Variants in ZNF536 observed in about 807,000 individuals in gnomAD.
The protein encoded by ZNF536 is zinc finger protein 536.
Under a neutral mutation model 84.5 loss-of-function variants are expected in ZNF536, and 13 were observed. The observed-to-expected ratio is 0.15, with a 90% CI of 0.10 to 0.24. The LOEUF is 0.24. ZNF536 is among the 10% of genes least tolerant of loss of function. The pLI is 1.00. For synonymous variants in ZNF536, 811 were observed against 742.5 expected (o/e 1.09, Z -1.50); for missense variants, 1,536 against 1,747.5 (o/e 0.88, Z 2.16).
chr19:30,535,579 G>T (rs1296959584), intron 3 of ZNF536, among the ~76,000 whole-genome samples: 1 of 152,094 alleles, frequency 6.6e-6, no homozygotes, highest in Non-Finnish European at 1.5e-5. Context: ...GGCAAAGGGG[G>T]GCAAGTGGCT....
chr19:30,593,956 AT>A (rs776233483), intron 1 of ZNF536, among the ~76,000 whole-genome samples: 5 of 152,168 alleles, frequency 3.3e-5, no homozygotes. Flanking sequence ...GATCTCATTG[AT>A]TGTCCTTGGA....
intron 1 of ZNF536, among the ~76,000 whole-genome samples, chr19:30,578,278 T>A (rs781458522): frequency 1.2e-4 from 18 of 152,340 alleles, no homozygotes; most frequent in Admixed American, 2.6e-4. Context: ...AGAAACCTGG[T>A]CACTAGAGAG....
intron 2 of ZNF536, among the ~76,000 whole-genome samples, chr19:30,491,415 G>A (rs946465576): frequency 6.6e-6 from 1 of 152,046 alleles, no homozygotes; most frequent in South Asian, 2.1e-4. Context: ...GTGTGTTGTG[G>A]GGAGTTCCAG....
At chr19:30,551,139 T>A (rs922163914) in intron 4 of ZNF536, among the ~76,000 whole-genome samples, 2 of 151,928 alleles carry the variant, frequency 1.3e-5, no homozygotes, top group Admixed American at 1.3e-4. Flanking sequence ...GTCTTTTTTT[T>A]TTTTAAGTCT....
intron 1 of ZNF536, among the ~76,000 whole-genome samples, chr19:30,677,989 G>T (rs1421990950): frequency 3.3e-5 from 5 of 152,192 alleles, no homozygotes; most frequent in Admixed American, 3.3e-4. Flanking sequence ...AAGAGGCAGG[G>T]TTTAGAGACT....
At chr19:30,442,202 T>C (rs1190032330) in intron 1 of ZNF536, among the ~76,000 whole-genome samples, 2 of 152,204 alleles carry the variant, frequency 1.3e-5, no homozygotes, top group African/African-American at 4.8e-5. Flanking sequence ...AGGGGTTCAT[T>C]GCCTTGCAAA....
intron 1 of ZNF536, among the ~76,000 whole-genome samples, chr19:30,281,846 C>T (rs2045457213): frequency 6.6e-6 from 1 of 152,150 alleles, no homozygotes; most frequent in Admixed American, 6.5e-5. Flanking sequence ...CTCTGAGCTG[C>T]ACCAAACTGG....
At chr19:30,610,810 CAG>C (rs1349072819) in intron 1 of ZNF536, among the ~76,000 whole-genome samples, 2 of 152,166 alleles carry the variant, frequency 1.3e-5, no homozygotes, top group Non-Finnish European at 2.9e-5. Context: ...AGGCCACACC[CAG>C]AGAGAGCTGC....
chr19:30,498,955 T>C (rs897982439), intron 2 of ZNF536, among the ~76,000 whole-genome samples: 8 of 152,114 alleles, frequency 5.3e-5, no homozygotes, highest in Admixed American at 4.6e-4. Context: ...GCTGTTTCCA[T>C]TTGAGCCTTT....
upstream of ZNF536, among the ~76,000 whole-genome samples, chr19:30,371,558 G>GTTTTT (rs11343587): frequency 7.4e-6 from 1 of 135,780 alleles, no homozygotes; most frequent in Non-Finnish European, 1.6e-5. Context: ...GTCTTTTCTT[G>GTTTTT]TTTTTTTTTT....
intron 1 of ZNF536, among the ~76,000 whole-genome samples, chr19:30,666,832 G>GTATATATATATATA (rs67781281): frequency 6.0e-5 from 9 of 149,108 alleles, no homozygotes; most frequent in African/African-American, 2.2e-4. Flanking sequence ...GTGTGTGTGT[G>GTATATATATATATA]TATATATATA....
At chr19:30,308,534 T>G (rs2046407231) in intron 2 of ZNF536, among the ~76,000 whole-genome samples, 1 of 152,156 alleles carries the variant, frequency 6.6e-6, no homozygotes, top group South Asian at 2.1e-4. Context: ...CTTGGTTTTG[T>G]TGCTCCAGGG....
intron 2 of ZNF536, among the ~76,000 whole-genome samples, chr19:30,334,156 C>T (rs1215675536): frequency 1.3e-5 from 2 of 152,240 alleles, no homozygotes; most frequent in African/African-American, 4.8e-5. Context: ...GCAGTTTCGC[C>T]AATGGGAAAT....
intron 1 of ZNF536, among the ~76,000 whole-genome samples, chr19:30,636,401 T>C (rs767378032): frequency 1.1e-4 from 16 of 152,160 alleles, no homozygotes; most frequent in Non-Finnish European, 2.4e-4. Context: ...CCCATCCTCA[T>C]GAGGCCCTTG....
Position 30,427,291 on chromosome 19 carries a change from AG to A in ZNF536, c.-2-16269del, listed in dbSNP as rs1382318389. On this transcript the variant is annotated intron_variant, in intron 1 of 4. Transcript: ENST00000355537. ...GACAACTCTCATTCATGGGATGCAG[AG>A]ATGCTTGCCAAGTAGTTGAGGAGAA... 2.6e-5 allele frequency among the ~76,000 whole-genome samples: 4 copies of A among 152,228 alleles called. No individual in the cohort carries two copies. In the East Asian group the frequency reaches 7.7e-4, roughly 29 times the overall value.
chr19:30,241,280 A>C (rs2023922571), intron 1 of ZNF536, among the ~76,000 whole-genome samples: 1 of 152,212 alleles, frequency 6.6e-6, no homozygotes, highest in South Asian at 2.1e-4. Context: ...GTGCCACTGC[A>C]CTCCAGCCTA....
chr19:30,302,221 T>C (rs915385446), intron 2 of ZNF536, among the ~76,000 whole-genome samples: 1 of 152,100 alleles, frequency 6.6e-6, no homozygotes, highest in East Asian at 1.9e-4. Flanking sequence ...CTAACGCAGA[T>C]TGTGTTGCTC....
At chr19:30,652,374 T>C (rs1315095342) in intron 1 of ZNF536, among the ~76,000 whole-genome samples, 3 of 152,206 alleles carry the variant, frequency 2.0e-5, no homozygotes, top group Non-Finnish European at 4.4e-5. Context: ...GCTTTTGTAA[T>C]AGAACTCTCA....
intron 3 of ZNF536, among the ~76,000 whole-genome samples, chr19:30,365,488 G>C (rs748701049): frequency 1.3e-5 from 2 of 152,152 alleles, no homozygotes; most frequent in Admixed American, 6.5e-5. Flanking sequence ...CAGCTTTGGT[G>C]GGGGGAAGAT....
Sources: gnomAD v4.1 joint callset for allele counts (sites outside exome capture counted in the v4.1 genomes callset) on GRCh38, gnomAD v4.1.1 for gene constraint, MANE v1.5 for transcripts, NCBI Gene and HGNC (gene_info 2026-07-23, HGNC 2026-07-21) for gene names.